The following CAMSAP1 variants were observed in gnomAD, a reference collection of about 807,000 sequenced individuals.
CAMSAP1 encodes the protein calmodulin-regulated spectrin-associated protein 1.
Under a neutral mutation model 143.5 loss-of-function variants are expected in CAMSAP1, and 58 were observed. The observed-to-expected ratio is 0.40, with a 90% CI of 0.33 to 0.50. The LOEUF is 0.50. Ranked by LOEUF, CAMSAP1 falls within the 20% of genes least tolerant of loss-of-function variation. CAMSAP1 has a pLI of 0.45. For missense variants in CAMSAP1, 1,969 were observed against 2,115.7 expected (o/e 0.93, Z 1.36); for synonymous variants, 945 against 859.3 (o/e 1.10, Z -1.74).
At chr9:135,848,698 G>C (rs1836665898) in intron 7 of CAMSAP1, among the ~76,000 whole-genome samples, 1 of 152,184 alleles carries the variant, frequency 6.6e-6, no homozygotes, top group African/African-American at 2.4e-5. Flanking sequence ...ACAGCATCTT[G>C]TGGCATGGAC....
chr9:135,821,387 G>T lies in CAMSAP1; in HGVS notation c.3274C>A (p.Arg1092=). ...TGVAGHRKAP[R]LGQGRNSRSG... ...CGGGAATTCCGGCCTTGACCCAGCC[G>T]GGGGGCTTTGCGGTGGCCAGCCACG... The change falls in exon 11 of 17, where the codon CGG becomes AGG. Residue 1092 remains arginine, a synonymous_variant. Transcript: ENST00000389532. This position sits in a 1 kb window ranked among gnomAD's most constrained non-coding sequence, Gnocchi z 4.6. 6.2e-7 allele frequency: 1 copy of T among 1,613,696 alleles called. No homozygotes were observed. Among genetic ancestry groups the T allele is most frequent in the South Asian group, 1.1e-5 (1 of 91,062 alleles).
At chr9:135,843,873 CAAAAAAAAAAAA>C (rs150201026) in intron 7 of CAMSAP1, among the ~76,000 whole-genome samples, 2 of 63,958 alleles carry the variant, frequency 3.1e-5, no homozygotes, top group Non-Finnish European at 3.0e-5. Context: ...GACTCCGTCT[CAAAAAAAAAAAA>C]AAAAAAAAAA....
intron 16 of CAMSAP1, among the ~76,000 whole-genome samples, chr9:135,813,754 C>G (rs1332389225): frequency 6.6e-6 from 1 of 152,224 alleles, no homozygotes; most frequent in East Asian, 1.9e-4. Context: ...AACTGCTGGT[C>G]TGCACGCTGA....
intron 1 of CAMSAP1, among the ~76,000 whole-genome samples, chr9:135,903,871 G>A (rs1838688713): frequency 6.6e-6 from 1 of 152,112 alleles, no homozygotes; most frequent in Non-Finnish European, 1.5e-5. Context: ...AGTGTTGGGG[G>A]GACCCACACT....
intron 7 of CAMSAP1, among the ~76,000 whole-genome samples, chr9:135,840,707 G>A (rs896023258): frequency 2.6e-5 from 4 of 152,228 alleles, no homozygotes; most frequent in African/African-American, 9.6e-5. Context: ...AGTGGGTGCA[G>A]CCCACAGAGG....
At chr9:135,830,998 C>T (rs905475063) in intron 7 of CAMSAP1, among the ~76,000 whole-genome samples, 1 of 152,086 alleles carries the variant, frequency 6.6e-6, no homozygotes, top group African/African-American at 2.4e-5. Context: ...CACTGAAACA[C>T]CGTCTCTACT....
rs959256420 is a variant in CAMSAP1 at position 135,906,904 on chromosome 9, G to A, written c.160+96C>T. On this transcript the variant is annotated intron_variant, in intron 1 of 16. Coordinates refer to ENST00000389532, the MANE Select transcript of CAMSAP1 (RefSeq NM_015447.4). ...CCCTGTGCGGACGCGGCACAAAGGC[G>A]CGGCGCGCGGACCCCGACCCGGCCG... 744 of 739,446 alleles carry A rather than the reference G, an allele frequency of 1.0e-3. 2 individuals carry two copies. The highest frequency in any genetic ancestry group is 1.2e-3 in the Non-Finnish European group (715 of 605,418). 45.8% of individuals were successfully genotyped at this position (739,446 alleles called of 1,614,324 possible).
At chr9:135,895,835 C>T (rs998850723) in intron 1 of CAMSAP1, among the ~76,000 whole-genome samples, 1 of 152,132 alleles carries the variant, frequency 6.6e-6, no homozygotes, top group African/African-American at 2.4e-5. Flanking sequence ...TGTTGTAAGT[C>T]ACATAAGTAT....
chr9:135,886,061 T>TA (rs35789822), intron 1 of CAMSAP1, among the ~76,000 whole-genome samples: 5,176 of 145,726 alleles, frequency 0.036, 144 homozygotes, highest in African/African-American at 0.084. Flanking sequence ...AATACCTACT[T>TA]AAAAAAAAAA....
At chr9:135,836,037 C>CA (rs1836020347) in intron 7 of CAMSAP1, 2 of 869,138 alleles carry the variant, frequency 2.3e-6, no homozygotes, top group Non-Finnish European at 1.4e-6. Flanking sequence ...CCAACAGACT[C>CA]AAAAAACAGC....
chr9:135,816,734 C>A (rs1835242191), intron 14 of CAMSAP1, among the ~76,000 whole-genome samples: 2 of 152,268 alleles, frequency 1.3e-5, no homozygotes, highest in Middle Eastern at 6.8e-3. Flanking sequence ...CAGGTGCACA[C>A]AGAGCAGGAG....
At chr9:135,862,179 C>T (rs890643879) in intron 5 of CAMSAP1, among the ~76,000 whole-genome samples, 3 of 151,688 alleles carry the variant, frequency 2.0e-5, no homozygotes, top group Non-Finnish European at 4.4e-5. Context: ...CACCCCACCC[C>T]GGGCTAAGGT....
At chr9:135,905,335 T>C (rs1337135589) in intron 1 of CAMSAP1, among the ~76,000 whole-genome samples, 7 of 152,222 alleles carry the variant, frequency 4.6e-5, no homozygotes, top group Admixed American at 3.9e-4. Context: ...AAAAAATGCA[T>C]GCACCTTGCT....
rs914873457 is a variant in CAMSAP1, at chr9:135,819,256, T to C, written c.3823-110A>G. 18 of 1,351,664 alleles carry C rather than the reference T, an allele frequency of 1.3e-5. No homozygotes were observed. In the Admixed American group the frequency reaches 4.8e-4, roughly 36 times the overall value. The allele number at this position is 1,351,664 out of a possible 1,614,324, so 83.7% of individuals were successfully genotyped here. A position where few individuals can be genotyped will look rare whatever the true frequency, so the allele number is the denominator to read the frequency against. On this transcript the variant is annotated intron_variant, in intron 11 of 16. Transcript: ENST00000389532. ...ACTACGCTTTTAAAAGTTTAACGCA[T>C]AAAGACTTCTATGCTTTTCTCTAAC...
intron 1 of CAMSAP1, among the ~76,000 whole-genome samples, chr9:135,890,550 A>G (rs1381407273): frequency 6.6e-6 from 1 of 152,124 alleles, no homozygotes; most frequent in Non-Finnish European, 1.5e-5. Context: ...GGCCTGCCCA[A>G]TGACGCCTAC....
At chr9:135,871,294 T>C (rs1837562727) in intron 3 of CAMSAP1, among the ~76,000 whole-genome samples, 3 of 152,110 alleles carry the variant, frequency 2.0e-5, no homozygotes, top group Admixed American at 2.0e-4. Flanking sequence ...GCTCAAGCAA[T>C]CCTCCTGCTT....
chr9:135,852,822 T>C (rs572237928), intron 5 of CAMSAP1, among the ~76,000 whole-genome samples: 134 of 152,168 alleles, frequency 8.8e-4, no homozygotes, highest in African/African-American at 3.1e-3. Context: ...AAATAAATAA[T>C]GAAAGTAATG....
chr9:135,851,749 T>C (rs1323923763), intron 5 of CAMSAP1, among the ~76,000 whole-genome samples: 1 of 152,246 alleles, frequency 6.6e-6, no homozygotes, highest in Non-Finnish European at 1.5e-5. Flanking sequence ...AGATCTATGT[T>C]GATACGGAGA....
intron 7 of CAMSAP1, among the ~76,000 whole-genome samples, chr9:135,830,628 G>A (rs1266721845): frequency 6.6e-6 from 1 of 152,148 alleles, no homozygotes; most frequent in Non-Finnish European, 1.5e-5. Flanking sequence ...AGAATATCCA[G>A]ACAGGATATT....
Sources: gnomAD v4.1 joint callset for allele counts (sites outside exome capture counted in the v4.1 genomes callset) on GRCh38, gnomAD v4.1.1 for gene constraint, Gnocchi (gnomAD v3.1) non-coding constraint, MANE v1.5 for transcripts, NCBI Gene and HGNC (gene_info 2026-07-23, HGNC 2026-07-21) for gene names.